ABR: variants seen among roughly 807,000 people sequenced by gnomAD.
The protein encoded by ABR is active breakpoint cluster region-related protein.
Under a neutral mutation model 107.2 loss-of-function variants are expected in ABR, and 35 were observed. The ratio of observed to expected loss-of-function variants is 0.33; its 90% CI spans 0.25 to 0.43. ABR has a LOEUF of 0.43. ABR is among the 20% of genes least tolerant of loss of function. ABR has a pLI of 1.00. For missense variants in ABR, 815 were observed against 1,115.2 expected, an observed-to-expected ratio of 0.73 and a Z score of 3.83; for synonymous variants, 498 against 462.0, an observed-to-expected ratio of 1.08 and a Z score of -1.00.
At chr17:1,054,314 C>T (rs544518777) in intron 14 of ABR, among the ~76,000 whole-genome samples, 1 of 152,346 alleles carries the variant, frequency 6.6e-6, no homozygotes, top group East Asian at 1.9e-4. Flanking sequence ...GACTTCATTC[C>T]ACATTTCTGA....
rs565626407 is a variant in ABR, at chr17:1,084,426, G to T, written c.532-799C>A. Among the ~76,000 whole-genome samples, 6 of 152,202 alleles carry T rather than the reference G, an allele frequency of 3.9e-5. No homozygotes were observed. Among genetic ancestry groups the T allele is most frequent in the African/African-American group, 1.2e-4 (5 of 41,534 alleles). ...AAGATGCTGTCTTTCCATTTCCCTT[G>T]GCCTTGAGGCCCCGTCCTCACCTCT... On this transcript the variant is annotated intron_variant, in intron 4 of 22. Transcript: ENST00000302538. This position sits in a 1 kb window ranked among gnomAD's most constrained non-coding sequence, Gnocchi z 4.2.
In ABR at chr17:1,025,722, C is replaced by G. The variant is rs1289722157; in HGVS notation, c.1792-12558G>C. On this transcript the variant is annotated intron_variant, in intron 16 of 22. Coordinates refer to ENST00000302538, the MANE Select transcript of ABR (RefSeq NM_021962.5). ...TCTCAAGCCAGGCATCCCCCCGTCA[C>G]TCTCTACTGCGTTACCCAGTTGTGT... Among the ~76,000 whole-genome samples the G allele has an allele frequency of 2.0e-5, 3 of 152,196 alleles. No homozygotes were observed. In the East Asian group the frequency reaches 5.8e-4, roughly 29 times the overall value.
At position 1,037,575 on chromosome 17, in the gene ABR, A is replaced by G. The variant is rs781051417; in HGVS notation, c.1791+12475T>C. On this transcript the variant is annotated intron_variant, in intron 16 of 22. Coordinates refer to ENST00000302538, the MANE Select transcript of ABR (RefSeq NM_021962.5). The surrounding 1 kb of genome is among the most constrained non-coding windows in gnomAD (Gnocchi z 4.6). ...GAACATCTTGCTTATCTAGAACAAA[A>G]CTCACCCAGGGACAGAGTGGGCAGG... Among the ~76,000 whole-genome samples the G allele has an allele frequency of 6.6e-6, 1 of 151,736 alleles. No individual in the cohort carries two copies. The highest frequency in any genetic ancestry group is 1.5e-5 in the Non-Finnish European group (1 of 67,910).
chr17:1,036,630 C>A (rs1045910900), intron 16 of ABR, among the ~76,000 whole-genome samples: 2 of 151,822 alleles, frequency 1.3e-5, no homozygotes, highest in Non-Finnish European at 2.9e-5. Flanking sequence ...CATGGGAGCC[C>A]GGGGTGCCCA....
Position 1,004,845 on chromosome 17 carries a change from C to A in ABR, c.*1235G>T, listed in dbSNP as rs908936643. The A allele has an allele frequency of 2.5e-6, 1 of 394,522 alleles. No individual in the cohort carries two copies. Among genetic ancestry groups the A allele is most frequent in the Non-Finnish European group, 4.5e-6 (1 of 223,796 alleles). The allele number at this position is 394,522 out of a possible 1,614,324, so 24.4% of individuals were successfully genotyped here. A position where few individuals can be genotyped will look rare whatever the true frequency, so the allele number is the denominator to read the frequency against. On this transcript the variant is annotated 3_prime_UTR_variant, in exon 23 of 23. Transcript: ENST00000302538. ...CACCACAATGGCTGGCCACCGTGGG[C>A]CTGTGCCTTTGCTTCCCAGGTCCTG...
intron 1 of ABR, among the ~76,000 whole-genome samples, chr17:1,142,934 C>G (rs912677152): frequency 1.3e-5 from 2 of 152,148 alleles, no homozygotes; most frequent in African/African-American, 4.8e-5. Flanking sequence ...CGGGCAGAGG[C>G]TGTGGGGCAG....
intron 12 of ABR, among the ~76,000 whole-genome samples, chr17:1,057,431 G>A (rs2033444093): frequency 6.6e-6 from 1 of 150,498 alleles, no homozygotes; most frequent in Non-Finnish European, 1.5e-5. Context: ...AGGCTGGAGT[G>A]CAGTGCTGTG....
intron 16 of ABR, among the ~76,000 whole-genome samples, chr17:1,039,284 G>A (rs939785410): frequency 2.6e-5 from 4 of 152,060 alleles, no homozygotes; most frequent in East Asian, 3.9e-4. Context: ...GGGGGGAGCC[G>A]ACTCACACCT....
At chr17:1,111,364 C>G (rs372013134) in intron 2 of ABR, among the ~76,000 whole-genome samples, 1 of 152,220 alleles carries the variant, frequency 6.6e-6, no homozygotes, top group African/African-American at 2.4e-5. Context: ...ATGAGAGTGC[C>G]CCTCCATCAG....
intron 16 of ABR, among the ~76,000 whole-genome samples, chr17:1,031,245 G>A (rs902205735): frequency 2.0e-5 from 3 of 152,186 alleles, no homozygotes; most frequent in African/African-American, 7.2e-5. Context: ...TGGATGCAGG[G>A]ATCAGGTAGA....
intron 16 of ABR, chr17:1,022,493 C>T (rs946375672): frequency 1.3e-5 from 2 of 154,270 alleles, no homozygotes; most frequent in Admixed American, 6.5e-5. Flanking sequence ...TCTCCTCCCT[C>T]GAGGAGGCGC....
At chr17:1,087,221 G>C (rs1023799387) in intron 4 of ABR, among the ~76,000 whole-genome samples, 2 of 152,218 alleles carry the variant, frequency 1.3e-5, no homozygotes, top group Non-Finnish European at 2.9e-5. Context: ...CAAGGTGCTG[G>C]GGGAAGTGGG....
rs1028614201 is a variant in ABR, at chr17:1,030,947, G to A, written c.1792-17783C>T. Among the ~76,000 whole-genome samples, 9 of 152,208 alleles carry A rather than the reference G, an allele frequency of 5.9e-5. No homozygotes were observed. In the South Asian group the frequency reaches 1.2e-3, roughly 21 times the overall value. ...GATGCCAGGGCCCCAAGCCAGCCCC[G>A]AGGCAGCCTGCCCAGCTGCAGGACA... is the stretch of plus-strand genomic sequence containing the variant. On this transcript the variant is annotated intron_variant, in intron 16 of 22. Coordinates refer to ENST00000302538, the MANE Select transcript of ABR (RefSeq NM_021962.5).
chr17:1,118,164 T>C (rs374148747), intron 2 of ABR, among the ~76,000 whole-genome samples: 1 of 58,370 alleles, frequency 1.7e-5, no homozygotes, highest in Non-Finnish European at 3.4e-5. Flanking sequence ...CCTGAGTTCC[T>C]CCCAGCGTTA....
intron 1 of ABR, among the ~76,000 whole-genome samples, chr17:1,153,606 C>T (rs1312272900): frequency 1.0e-5 from 1 of 97,048 alleles, no homozygotes; most frequent in Non-Finnish European, 2.4e-5. Context: ...GGCACACCTG[C>T]GGGAGGGCTG....
intron 2 of ABR, among the ~76,000 whole-genome samples, chr17:1,111,532 ATAG>A (rs2038676263): frequency 6.6e-6 from 1 of 151,628 alleles, no homozygotes; most frequent in African/African-American, 2.4e-5. Flanking sequence ...AATGTTCTCC[ATAG>A]AAGCAGCCTG....
intron 11 of ABR, 89 bp from the exon 12 acceptor site, chr17:1,058,134 A>ATATT: frequency 1.7e-4 from 81 of 471,418 alleles, no homozygotes; most frequent in Non-Finnish European, 2.4e-4. Context: ...AGCTCCTTTT[A>ATATT]TCTTTTTTTT....
At chr17:1,149,785 G>T (rs1265741525) in intron 1 of ABR, among the ~76,000 whole-genome samples, 1 of 152,158 alleles carries the variant, frequency 6.6e-6, no homozygotes, top group Non-Finnish European at 1.5e-5. Flanking sequence ...ATAGGTAGGG[G>T]TTGCCGGGCA....
intron 2 of ABR, among the ~76,000 whole-genome samples, chr17:1,114,880 CA>C (rs1483640534): frequency 2.0e-5 from 3 of 152,190 alleles, no homozygotes; most frequent in Non-Finnish European, 4.4e-5. Flanking sequence ...TTCATGCATT[CA>C]TTCAGCTAAT....
Sources: allele counts gnomAD v4.1 joint callset (sites outside exome capture counted in the v4.1 genomes callset), GRCh38; gene constraint gnomAD v4.1.1; non-coding constraint Gnocchi (gnomAD v3.1); transcripts MANE v1.5; gene names NCBI Gene and HGNC (gene_info 2026-07-23, HGNC 2026-07-21).